Variants in PXDNL observed in about 807,000 individuals in gnomAD.
PXDNL encodes peroxidasin like.
A neutral mutation model predicts 150.8 loss-of-function variants in PXDNL; 145 were observed. The observed-to-expected ratio is 0.96, with a 90% CI of 0.84 to 1.10. The LOEUF (loss-of-function observed/expected upper bound fraction) is 1.10, where lower values mean the gene tolerates loss of function less well. Among genes scored for constraint, PXDNL ranks in the 50% least tolerant of loss-of-function variants. PXDNL has a pLI of 0.00. For missense variants in PXDNL, 2,087 were observed against 1,873.9 expected (o/e 1.11, Z -2.10); for synonymous variants, 757 against 725.7 (o/e 1.04, Z -0.69).
intron 8 of PXDNL, among the ~76,000 whole-genome samples, chr8:51,470,306 A>G (rs1810298435): frequency 6.6e-6 from 1 of 152,132 alleles, no homozygotes; most frequent in South Asian, 2.1e-4. Flanking sequence ...CACTTACTAG[A>G]CTTTTTACAA....
At chr8:51,360,513 A>G (rs918215618) in intron 19 of PXDNL, among the ~76,000 whole-genome samples, 1 of 152,186 alleles carries the variant, frequency 6.6e-6, no homozygotes. Context: ...ACACAACTAC[A>G]CATGCACACA....
chr8:51,566,066 A>G lies in PXDNL; in HGVS notation c.309-9155T>C, dbSNP rs77702291. On this transcript the variant is annotated intron_variant, in intron 3 of 22. Coordinates refer to ENST00000356297, the MANE Select transcript of PXDNL (RefSeq NM_144651.5). ...TTTATGCATCTTCTGATATAATCAT[A>G]TCACTTTTCTTCCCTAACCTGTTGA... Among the ~76,000 whole-genome samples, 202 of 151,984 alleles carry G rather than the reference A, an allele frequency of 1.3e-3. 5 individuals carry two copies. The East Asian group carries it at 0.036, about 27-fold the overall frequency.
intron 4 of PXDNL, among the ~76,000 whole-genome samples, chr8:51,501,348 TC>T (rs557707003): frequency 0.021 from 1,586 of 74,574 alleles, 23 homozygotes; most frequent in Middle Eastern, 0.026. Flanking sequence ...TGACACACAC[TC>T]TCACATTGTC....
At chr8:51,471,477 T>A (rs2130092934) in intron 8 of PXDNL, among the ~76,000 whole-genome samples, 1 of 152,326 alleles carries the variant, frequency 6.6e-6, no homozygotes, top group Admixed American at 6.5e-5. Context: ...GCTTAAATAA[T>A]CCTATACTGA....
chr8:51,334,869 A>G (rs541847661), intron 21 of PXDNL, among the ~76,000 whole-genome samples: 2 of 152,180 alleles, frequency 1.3e-5, no homozygotes, highest in Non-Finnish European at 2.9e-5. Flanking sequence ...CTCCTTGTAC[A>G]TTGTTTTGAC....
chr8:51,403,210 C>T (rs1027675502), intron 17 of PXDNL, among the ~76,000 whole-genome samples: 2 of 151,868 alleles, frequency 1.3e-5, no homozygotes, highest in African/African-American at 4.8e-5. Flanking sequence ...AAAATAAGCT[C>T]TTTAAAAAAT....
At position 51,409,344 on chromosome 8, in the gene PXDNL, G is replaced by A; in HGVS notation, c.2280C>T (p.Gly760=). 2.0e-6 allele frequency: 3 copies of A among 1,503,626 alleles called. No individual in the cohort carries two copies. Among genetic ancestry groups the A allele is most frequent in the Non-Finnish European group, 2.6e-6 (3 of 1,132,758 alleles). 93.1% of individuals were successfully genotyped at this position (1,503,626 alleles called of 1,614,324 possible). The stretch of plus-strand genomic sequence containing the variant: ...GGCCGAGCCCGCGGGGCGCGCGGAT[G>A]CCGTCCCGGTAGGCTGGCTGCAGCA... ...ARLLQPAYRD[G]IRAPRGLGLP... The change falls in exon 17 of 23, where the codon GGC becomes GGT. Residue 760 remains glycine (G), a synonymous_variant. Transcript: ENST00000356297.
intron 19 of PXDNL, among the ~76,000 whole-genome samples, chr8:51,365,431 G>A (rs1806885425): frequency 6.6e-6 from 1 of 152,194 alleles, no homozygotes; most frequent in Non-Finnish European, 1.5e-5. Context: ...CTTGGTTAAA[G>A]TGAGTAGATT....
intron 8 of PXDNL, among the ~76,000 whole-genome samples, chr8:51,459,846 T>C (rs1563421683): frequency 1.3e-5 from 2 of 152,186 alleles, no homozygotes; most frequent in Non-Finnish European, 2.9e-5. Flanking sequence ...ATAACTTCTA[T>C]TAAGGTGTTT....
At chr8:51,496,049 G>A (rs1362141868) in intron 5 of PXDNL, among the ~76,000 whole-genome samples, 17 of 152,248 alleles carry the variant, frequency 1.1e-4, no homozygotes, top group African/African-American at 3.4e-4. Context: ...CTGGCAAACC[G>A]AATCCAGCAG....
intron 1 of PXDNL, among the ~76,000 whole-genome samples, chr8:51,773,683 T>C (rs1304745984): frequency 6.6e-6 from 1 of 152,252 alleles, no homozygotes; most frequent in Non-Finnish European, 1.5e-5. Context: ...TGCTACAGTT[T>C]TACAATGCTA....
chr8:51,482,735 C>T (rs1317340946), intron 6 of PXDNL, among the ~76,000 whole-genome samples: 1 of 152,192 alleles, frequency 6.6e-6, no homozygotes, highest in Non-Finnish European at 1.5e-5. Context: ...TGCCTGCCAC[C>T]ATGTAAGACA....
At chr8:51,497,599 C>T (rs1811081258) in intron 5 of PXDNL, among the ~76,000 whole-genome samples, 2 of 152,114 alleles carry the variant, frequency 1.3e-5, no homozygotes, top group Non-Finnish European at 2.9e-5. Context: ...AAGCAAACAA[C>T]CCCATCAAAA....
intron 2 of PXDNL, among the ~76,000 whole-genome samples, chr8:51,596,185 A>G (rs1218770347): frequency 6.6e-6 from 1 of 152,168 alleles, no homozygotes; most frequent in African/African-American, 2.4e-5. Context: ...TTCACTTAGG[A>G]TAATGACTTC....
intron 17 of PXDNL, among the ~76,000 whole-genome samples, chr8:51,378,757 G>T (rs905028555): frequency 1.3e-5 from 2 of 149,416 alleles, no homozygotes; most frequent in Non-Finnish European, 2.9e-5. Flanking sequence ...CACACGTGCG[G>T]CCTTAAGAGC....
At chr8:51,671,911 C>T (rs764498519) in intron 1 of PXDNL, among the ~76,000 whole-genome samples, 26 of 152,164 alleles carry the variant, frequency 1.7e-4, no homozygotes, top group Non-Finnish European at 3.2e-4. Context: ...GGTTGATAAG[C>T]GCATATTTTA....
At chr8:51,700,871 C>T (rs911675566) in intron 1 of PXDNL, among the ~76,000 whole-genome samples, 15 of 150,546 alleles carry the variant, frequency 1.0e-4, no homozygotes, top group African/African-American at 3.7e-4. Flanking sequence ...TACACATATA[C>T]ACACACTCAT....
At chr8:51,527,234 A>G (rs867151197) in intron 4 of PXDNL, among the ~76,000 whole-genome samples, 11 of 152,022 alleles carry the variant, frequency 7.2e-5, no homozygotes, top group Non-Finnish European at 1.5e-4. Flanking sequence ...ACCTACCTAC[A>G]TGGGTTCTTG....
intron 1 of PXDNL, among the ~76,000 whole-genome samples, chr8:51,796,604 C>T (rs2129260249): frequency 6.6e-6 from 1 of 152,262 alleles, no homozygotes; most frequent in South Asian, 2.1e-4. Context: ...GACACATACA[C>T]CCTTTCAAGA....
Sources: gnomAD v4.1 joint callset for allele counts (sites outside exome capture counted in the v4.1 genomes callset) on GRCh38, gnomAD v4.1.1 for gene constraint, MANE v1.5 for transcripts, NCBI Gene and HGNC (gene_info 2026-07-23, HGNC 2026-07-21) for gene names.